The following ZPLD1 variants were observed in gnomAD, a reference collection of about 807,000 sequenced individuals.
The protein encoded by ZPLD1 is zona pellucida-like domain-containing protein 1.
Under a neutral mutation model 47.2 loss-of-function variants are expected in ZPLD1, and 34 were observed. That is an observed-to-expected ratio of 0.72 (90% CI 0.55 to 0.96). The LOEUF (loss-of-function observed/expected upper bound fraction) is 0.96. ZPLD1 is among the 40% of genes least tolerant of loss of function. ZPLD1 has a pLI of 0.00. For synonymous variants in ZPLD1, 176 were observed against 186.2 expected, an observed-to-expected ratio of 0.95 and a Z score of 0.45; for missense variants, 512 against 505.8, an observed-to-expected ratio of 1.01 and a Z score of -0.12.
At chr3:102,424,597 A>G (rs1473171852) in intron 8 of ZPLD1, among the ~76,000 whole-genome samples, 3 of 152,074 alleles carry the variant, frequency 2.0e-5, no homozygotes, top group African/African-American at 7.2e-5. Flanking sequence ...GTGGGTGGGG[A>G]GATTCGGCCC....
At chr3:102,475,834 A>T (rs921870270) in intron 10 of ZPLD1, among the ~76,000 whole-genome samples, 4 of 152,192 alleles carry the variant, frequency 2.6e-5, no homozygotes, top group Non-Finnish European at 1.5e-5. Flanking sequence ...TCTGAAAAAA[A>T]ATGGTGTCAG....
At chr3:102,454,604 C>G (rs1210164245) in intron 4 of ZPLD1, among the ~76,000 whole-genome samples, 1 of 152,160 alleles carries the variant, frequency 6.6e-6, no homozygotes, top group Non-Finnish European at 1.5e-5. Context: ...TCCTGTAATC[C>G]CAGCACTTTG....
At chr3:102,404,853 A>G (rs749646210) in intron 7 of ZPLD1, among the ~76,000 whole-genome samples, 3 of 152,046 alleles carry the variant, frequency 2.0e-5, no homozygotes, top group Non-Finnish European at 4.4e-5. Context: ...TAACTCCATC[A>G]GCCAAGTGGT....
chr3:102,473,125 A>G (rs1371004704), intron 10 of ZPLD1, among the ~76,000 whole-genome samples: 1 of 152,188 alleles, frequency 6.6e-6, no homozygotes, highest in Non-Finnish European at 1.5e-5. Flanking sequence ...ACCCATCCCC[A>G]TGATTCAATT....
intron 6 of ZPLD1, among the ~76,000 whole-genome samples, chr3:102,390,279 C>T (rs192346232): frequency 8.1e-4 from 124 of 152,232 alleles, no homozygotes; most frequent in African/African-American, 2.8e-3. Flanking sequence ...AAGCAGCTTC[C>T]CAACTTTTAC....
At chr3:102,444,421 G>A (rs144971405) in intron 3 of ZPLD1, among the ~76,000 whole-genome samples, 61 of 152,264 alleles carry the variant, frequency 4.0e-4, no homozygotes, top group East Asian at 1.9e-3. Flanking sequence ...TTGGTATTTC[G>A]TGTAGATGAA....
chr3:102,392,584 CTTCT>C (rs1200044947), intron 7 of ZPLD1, among the ~76,000 whole-genome samples: 9 of 146,890 alleles, frequency 6.1e-5, no homozygotes, highest in Non-Finnish European at 1.2e-4. Flanking sequence ...TTCCCCCTTC[CTTCT>C]TTCTTCTTCT....
chr3:102,415,959 A>T (rs1406402458), intron 7 of ZPLD1, among the ~76,000 whole-genome samples: 2 of 151,786 alleles, frequency 1.3e-5, no homozygotes, highest in African/African-American at 4.8e-5. Context: ...GCACAGGATA[A>T]CTCCTCAGCT....
At chr3:102,458,914 C>T (rs1030009546) in intron 6 of ZPLD1, among the ~76,000 whole-genome samples, 4 of 151,518 alleles carry the variant, frequency 2.6e-5, no homozygotes, top group African/African-American at 9.7e-5. Flanking sequence ...ACGGTGAAAC[C>T]CTGTCTCTAC....
chr3:102,395,010 T>C (rs1248626142), intron 7 of ZPLD1, among the ~76,000 whole-genome samples: 1 of 152,126 alleles, frequency 6.6e-6, no homozygotes, highest in Non-Finnish European at 1.5e-5. Context: ...AAACTGAGTA[T>C]AAACTTAAAT....
chr3:102,430,502 C>T (rs1397590764), upstream of ZPLD1, among the ~76,000 whole-genome samples: 2 of 152,236 alleles, frequency 1.3e-5, no homozygotes, highest in Middle Eastern at 3.4e-3. Flanking sequence ...CTTCTGACTT[C>T]CCAAGACCTT....
intron 7 of ZPLD1, among the ~76,000 whole-genome samples, chr3:102,403,477 C>A (rs1320924290): frequency 6.6e-6 from 1 of 151,948 alleles, no homozygotes; most frequent in African/African-American, 2.4e-5. Flanking sequence ...TCTTCAGTCC[C>A]ATGTTAATCC....
At chr3:102,438,368 T>G (rs943288983) in intron 2 of ZPLD1, 112 bp from the exon 3 acceptor site, 98 of 666,774 alleles carry the variant, frequency 1.5e-4, no homozygotes, top group Non-Finnish European at 2.4e-4. Flanking sequence ...TTTGGCTGCA[T>G]GGATGTAAAC....
intron 3 of ZPLD1, among the ~76,000 whole-genome samples, chr3:102,449,773 A>G (rs1437987375): frequency 6.6e-6 from 1 of 152,214 alleles, no homozygotes; most frequent in African/African-American, 2.4e-5. Context: ...ATATATAGGA[A>G]AGAACATACT....
At chr3:102,444,123 T>A (rs1707221105) in intron 3 of ZPLD1, among the ~76,000 whole-genome samples, 1 of 152,240 alleles carries the variant, frequency 6.6e-6, no homozygotes, top group African/African-American at 2.4e-5. Context: ...CTTTATTGCA[T>A]GAATTTTCAC....
In ZPLD1 at chr3:102,442,598, G is replaced by A. The variant is rs1260577935; in HGVS notation, c.106+4005G>A. On this transcript the variant is annotated intron_variant, in intron 3 of 11. Transcript: ENST00000466937. ...ACTCTCAGTATCTCTTCCACATCAC[G>A]ATCACCCTTGATGTCATCAGGAGCT... Among the ~76,000 whole-genome samples the A allele has an allele frequency of 2.0e-5, 3 of 151,886 alleles. No homozygotes were observed. The East Asian group carries it at 5.8e-4, about 29-fold the overall frequency.
At chr3:102,390,642 G>A (rs1025124964) in intron 6 of ZPLD1, among the ~76,000 whole-genome samples, 1 of 152,160 alleles carries the variant, frequency 6.6e-6, no homozygotes, top group African/African-American at 2.4e-5. Flanking sequence ...GAAGTGCATG[G>A]TTTGCTGCTG....
intron 7 of ZPLD1, among the ~76,000 whole-genome samples, chr3:102,402,409 A>T (rs1403093167): frequency 6.6e-6 from 1 of 152,062 alleles, no homozygotes; most frequent in Non-Finnish European, 1.5e-5. Context: ...AACATCAACT[A>T]AACTTTTTTA....
At chr3:102,442,356 A>G (rs918374164) in intron 3 of ZPLD1, among the ~76,000 whole-genome samples, 1 of 146,350 alleles carries the variant, frequency 6.8e-6, no homozygotes, top group Non-Finnish European at 1.5e-5. Context: ...ACACACACAC[A>G]CACACACAGT....
Sources: gnomAD v4.1 joint callset for allele counts (sites outside exome capture counted in the v4.1 genomes callset) on GRCh38, gnomAD v4.1.1 for gene constraint, MANE v1.5 for transcripts, NCBI Gene and HGNC (gene_info 2026-07-23, HGNC 2026-07-21) for gene names.